GLYATL1B: variants seen among roughly 807,000 people sequenced by gnomAD.
GLYATL1B encodes the protein glycine-N-acyltransferase like 1B.
GLYATL1B carries 6 observed loss-of-function variants against 5.5 expected under a neutral mutation model. The observed-to-expected ratio is 1.09, with a 90% CI of 0.60 to 2.15. The LOEUF is 2.15. Ranked by LOEUF, GLYATL1B falls within the 30% of genes most tolerant of loss-of-function variation. The pLI, the probability that GLYATL1B is intolerant of heterozygous loss-of-function variation, is 0.00. For missense variants in GLYATL1B, 135 were observed against 94.1 expected, an observed-to-expected ratio of 1.43 and a Z score of -1.80; for synonymous variants, 67 against 34.9, an observed-to-expected ratio of 1.92 and a Z score of -3.24.
At chr11:59,092,918 T>A (rs1036048756) in intron 2 of GLYATL1B, among the ~76,000 whole-genome samples, 1 of 152,198 alleles carries the variant, frequency 6.6e-6, no homozygotes, top group Non-Finnish European at 1.5e-5. Flanking sequence ...ACACTGCAGA[T>A]TCTAGAACAA....
chr11:59,087,997 G>T (rs1859225147), intron 2 of GLYATL1B, among the ~76,000 whole-genome samples: 1 of 152,160 alleles, frequency 6.6e-6, no homozygotes, highest in Non-Finnish European at 1.5e-5. Flanking sequence ...TAGAGATGAG[G>T]AAACAACACT....
intron 2 of GLYATL1B, among the ~76,000 whole-genome samples, chr11:59,093,070 T>G (rs1409084427): frequency 6.6e-6 from 1 of 152,188 alleles, no homozygotes; most frequent in Non-Finnish European, 1.5e-5. Flanking sequence ...CAGGGGGTTA[T>G]GTGGGGCACA....
chr11:59,088,249 C>T (rs1385933554), intron 2 of GLYATL1B, among the ~76,000 whole-genome samples: 1 of 152,162 alleles, frequency 6.6e-6, no homozygotes, highest in East Asian at 1.9e-4. Flanking sequence ...ATAGTATTTA[C>T]CATAATTAGC....
intron 1 of GLYATL1B, 142 bp downstream of exon 1, chr11:59,086,526 A>G (rs1451805942): frequency 2.5e-6 from 1 of 394,422 alleles, no homozygotes; most frequent in Non-Finnish European, 4.5e-6. Context: ...CAAAGGAGGC[A>G]TGTTAAGAGC....
intron 2 of GLYATL1B, among the ~76,000 whole-genome samples, chr11:59,090,358 T>C: frequency 6.6e-6 from 1 of 152,006 alleles, no homozygotes. Context: ...GGAGCTTTTT[T>C]AGACAATTGT....
chr11:59,089,757 G>A (rs527537989), intron 2 of GLYATL1B, among the ~76,000 whole-genome samples: 56 of 152,216 alleles, frequency 3.7e-4, no homozygotes, highest in African/African-American at 1.3e-3. Flanking sequence ...CTACAAATTT[G>A]TTGCCCAATT....
chr11:59,091,834 G>A (rs1859318633), intron 2 of GLYATL1B, among the ~76,000 whole-genome samples: 1 of 151,998 alleles, frequency 6.6e-6, no homozygotes, highest in Non-Finnish European at 1.5e-5. Context: ...AAGGTGCATT[G>A]GATAAAAAAA....
At chr11:59,089,679 G>A (rs1388246864) in intron 2 of GLYATL1B, among the ~76,000 whole-genome samples, 1 of 151,908 alleles carries the variant, frequency 6.6e-6, no homozygotes, top group Admixed American at 6.6e-5. Flanking sequence ...TTTTACACTG[G>A]GATTTTGTGT....
At chr11:59,087,727 CT>C (rs1239059112) in intron 2 of GLYATL1B, among the ~76,000 whole-genome samples, 5 of 152,094 alleles carry the variant, frequency 3.3e-5, no homozygotes, top group African/African-American at 4.8e-5. Context: ...CGTGCCTATA[CT>C]CCTAGATACT....
At position 59,088,428 on chromosome 11, in the gene GLYATL1B, A is replaced by G. The variant is rs114197036; in HGVS notation, c.186+1257A>G. 4.9e-3 allele frequency among the ~76,000 whole-genome samples: 746 copies of G among 152,252 alleles called. 8 individuals are homozygous for G. The highest frequency in any genetic ancestry group is 0.017 in the African/African-American group (713 of 41,560). On this transcript the variant is annotated intron_variant, in intron 2 of 4. Transcript: ENST00000527482. ...AGCCCAGCTTCAGGTGGGTATAGACACTGAGCCCCCACATAATAATAAGCT... is the reference window on the plus strand; with the variant it reads ...AGCCCAGCTTCAGGTGGGTATAGACGCTGAGCCCCCACATAATAATAAGCT...
intron 2 of GLYATL1B, among the ~76,000 whole-genome samples, chr11:59,089,872 T>G (rs1173587845): frequency 6.6e-6 from 1 of 152,032 alleles, no homozygotes; most frequent in Non-Finnish European, 1.5e-5. Flanking sequence ...GCTTTGGGAG[T>G]TTTTTTGTTA....
chr11:59,089,468 C>T (rs2849743), intron 2 of GLYATL1B, among the ~76,000 whole-genome samples: 4 of 152,176 alleles, frequency 2.6e-5, no homozygotes, highest in East Asian at 1.9e-4. Context: ...CATTAGCAAT[C>T]TGTGGAAGAA....
At chr11:59,090,846 T>A (rs1477201642) in intron 2 of GLYATL1B, among the ~76,000 whole-genome samples, 1 of 152,166 alleles carries the variant, frequency 6.6e-6, no homozygotes, top group Admixed American at 6.6e-5. Context: ...ATAAAAGTTC[T>A]ATCCTTGTCT....
chr11:59,093,389 T>C, intron 2 of GLYATL1B, 140 bp from the exon 3 acceptor site: 1 of 380,704 alleles, frequency 2.6e-6, no homozygotes. Flanking sequence ...CTCACTTATA[T>C]TATCCACGTG....
intron 2 of GLYATL1B, among the ~76,000 whole-genome samples, chr11:59,091,725 G>C (rs1038674046): frequency 3.1e-4 from 47 of 152,086 alleles, no homozygotes; most frequent in African/African-American, 1.1e-3. Context: ...ATACCCAAAA[G>C]AAAATGAATC....
chr11:59,093,232 G>A (rs998956701), intron 2 of GLYATL1B, among the ~76,000 whole-genome samples: 2 of 152,182 alleles, frequency 1.3e-5, no homozygotes, highest in Non-Finnish European at 2.9e-5. Context: ...AGAAAAGTGA[G>A]GCATCTTAAG....
chr11:59,094,663 T>A lies in GLYATL1B; in HGVS notation c.786T>A (p.Phe262Leu), dbSNP rs1053310854. 1 of 432,910 alleles carries A rather than the reference T, an allele frequency of 2.3e-6. No homozygotes were observed. Among genetic ancestry groups the A allele is most frequent in the African/African-American group, 2.0e-5 (1 of 49,568 alleles). 26.8% of individuals were successfully genotyped at this position (432,910 alleles called of 1,614,324 possible). A position where few individuals can be genotyped will look rare whatever the true frequency, so the allele number is the denominator to read the frequency against. Reference protein sequence around the residue: ...MKYLCQKNIPFYGSVLEENQG... With the variant: ...MKYLCQKNIPLYGSVLEENQG... ...ATCTGTGTCAGAAGAATATTCCATT[T>A]TACGGCTCTGTGCTGGAAGAAAATC... Residue 262 changes from phenylalanine (F) to leucine (L), a missense_variant, in exon 5 of 5, where the codon TTT becomes TTA. By Grantham distance (22) the Phe-to-Leu change is conservative. Transcript: ENST00000527482.
In GLYATL1B at chr11:59,090,516, C is replaced by T. The variant is rs1234147485; in HGVS notation, c.187-3013C>T. Among the ~76,000 whole-genome samples, 3 of 151,652 alleles carry T rather than the reference C, an allele frequency of 2.0e-5. No homozygotes were observed. The East Asian group carries it at 5.8e-4, about 29-fold the overall frequency. ...ACGTGATTTTTCCATTAAGTTTACC[C>T]TTAGGTATTTTATATTATTTTTTAA... On this transcript the variant is annotated intron_variant, in intron 2 of 4. Coordinates refer to ENST00000527482, the MANE Select transcript of GLYATL1B (RefSeq NM_001355566.1).
chr11:59,094,004 G>A lies in GLYATL1B; in HGVS notation c.384G>A (p.Ser128=), dbSNP rs575565676. 166 of 717,880 alleles carry A rather than the reference G, an allele frequency of 2.3e-4. No individual in the cohort carries two copies. The highest frequency in any genetic ancestry group is 3.7e-4 in the Admixed American group (18 of 48,622). The allele number at this position is 717,880 out of a possible 1,614,324, so 44.5% of individuals were successfully genotyped here. A position where few individuals can be genotyped will look rare whatever the true frequency, so the allele number is the denominator to read the frequency against. Residue 128 remains serine (S), a synonymous_variant, in exon 4 of 5, where the codon TCG becomes TCA. Transcript: ENST00000527482. ...AFSNSVKVEH[S]RALLFVTEDI... ...CAAATTCAGTGAAGGTAGAGCATTC[G>A]AGAGCACTCCTCTTTGTTACGGAAG...
Sources: allele counts gnomAD v4.1 joint callset (sites outside exome capture counted in the v4.1 genomes callset), GRCh38; gene constraint gnomAD v4.1.1; transcripts MANE v1.5; gene names NCBI Gene and HGNC (gene_info 2026-07-23, HGNC 2026-07-21).